Variants in BHLHA15 observed in about 807,000 individuals in gnomAD.
BHLHA15 encodes the protein class A basic helix-loop-helix protein 15.
In BHLHA15, 7 loss-of-function variants were observed where a neutral mutation model predicts 10.4. The observed-to-expected ratio is 0.67, with a 90% confidence interval of 0.38 to 1.26. The LOEUF is 1.26. BHLHA15 is among the 50% of genes most tolerant of loss of function. BHLHA15 has a pLI of 0.02. For synonymous variants in BHLHA15, 140 were observed against 131.5 expected (o/e 1.06, Z -0.44); for missense variants, 289 against 287.4 (o/e 1.01, Z -0.04).
At position 98,212,630 on chromosome 7, in the gene BHLHA15, G is replaced by C; in HGVS notation, c.321G>C (p.Ala107=). Residue 107 remains alanine (A), a synonymous_variant, in exon 2 of 2, where the codon GCG becomes GCC. Transcript: ENST00000609256. ...ALREVIPHVR[A]DKKLSKIETL... is the part of the protein sequence containing the mutation. The stretch of plus-strand genomic sequence containing the variant: ...GTGAAGTCATCCCCCACGTGCGCGC[G>C]GACAAGAAGCTCTCCAAGATCGAGA... The C allele has an allele frequency of 6.2e-7, 1 of 1,605,362 alleles. No individual in the cohort carries two copies. Among genetic ancestry groups the C allele is most frequent in the Non-Finnish European group, 8.5e-7 (1 of 1,177,034 alleles).
Position 98,212,443 on chromosome 7 carries a change from C to A in BHLHA15, c.134C>A (p.Pro45Gln). 1.3e-6 allele frequency: 2 copies of A among 1,521,946 alleles called. No individual in the cohort carries two copies. Among genetic ancestry groups the A allele is most frequent in the Non-Finnish European group, 1.8e-6 (2 of 1,135,488 alleles). The allele number at this position is 1,521,946 out of a possible 1,614,324, so 94.3% of individuals were successfully genotyped here. ...PEPAKGLRSR[P>Q]ARAAARAPGE... ...CCGGCCAAGGGTCTGCGGAGCCGGC[C>A]GGCCCGGGCCGCAGCAAGGGCTCCG... is the stretch of plus-strand genomic sequence containing the variant. Residue 45 changes from proline (P) to glutamine (Q), a missense_variant, in exon 2 of 2, where the codon CCG (proline) becomes CAG (glutamine). Coordinates refer to ENST00000609256, the MANE Select transcript of BHLHA15 (RefSeq NM_177455.4).
chr7:98,212,298 C>T lies in BHLHA15; in HGVS notation c.-12C>T. ...TCCTGCCGCCACCTCCTAGGACAGC[C>T]AGTCCAGGGCCATGAAGACCAAGAA... On this transcript the variant is annotated 5_prime_UTR_variant, in exon 2 of 2. Coordinates refer to ENST00000609256, the MANE Select transcript of BHLHA15 (RefSeq NM_177455.4). 7.5e-7 allele frequency: 1 copy of T among 1,341,274 alleles called. No individual in the cohort carries two copies. Among genetic ancestry groups the T allele is most frequent in the Non-Finnish European group, 9.6e-7 (1 of 1,043,658 alleles). The allele number at this position is 1,341,274 out of a possible 1,614,324, so 83.1% of individuals were successfully genotyped here.
At position 98,213,006 on chromosome 7, in the gene BHLHA15, C is replaced by G; in HGVS notation, c.*127C>G. 11 of 887,764 alleles carry G rather than the reference C, an allele frequency of 1.2e-5. No individual in the cohort carries two copies. Among genetic ancestry groups the G allele is most frequent in the Non-Finnish European group, 1.8e-5 (11 of 614,030 alleles). The allele number at this position is 887,764 out of a possible 1,614,324, so 55.0% of individuals were successfully genotyped here. A position where few individuals can be genotyped will look rare whatever the true frequency, so the allele number is the denominator to read the frequency against. On this transcript the variant is annotated 3_prime_UTR_variant, in exon 2 of 2. Transcript: ENST00000609256. ...CCACAAGGACACGGCCTCAGCGGTTCCATTTTCCCCCGAACATTCAGCCAC... is the reference window on the plus strand; with the variant it reads ...CCACAAGGACACGGCCTCAGCGGTTGCATTTTCCCCCGAACATTCAGCCAC...
chr7:98,212,256 C>T lies in BHLHA15; in HGVS notation c.-54C>T. 1 of 1,307,112 alleles carries T rather than the reference C, an allele frequency of 7.7e-7. No individual in the cohort carries two copies. The highest frequency in any genetic ancestry group is 1.6e-5 in the African/African-American group (1 of 64,498). 81.0% of individuals were successfully genotyped at this position (1,307,112 alleles called of 1,614,324 possible). A position where few individuals can be genotyped will look rare whatever the true frequency, so the allele number is the denominator to read the frequency against. On this transcript the variant is annotated splice_region_variant and 5_prime_UTR_variant, in exon 2 of 2. Transcript: ENST00000609256. ...GAGTGTCCTGTGTTCTGGATTTCAGCTCCAAGGGCCTCACCTTCCTGCCGC... is the reference window on the plus strand; with the variant it reads ...GAGTGTCCTGTGTTCTGGATTTCAGTTCCAAGGGCCTCACCTTCCTGCCGC...
rs73151166 is a variant in BHLHA15 at position 98,214,565 on chromosome 7, C to G, written c.*1686C>G. ...AGCGGGGACATGAGATGACAGAGAC[C>G]TCCCCGGCGGGGGTACTCAGGTGCT... On this transcript the variant is annotated 3_prime_UTR_variant, in exon 2 of 2. Coordinates refer to ENST00000609256, the MANE Select transcript of BHLHA15 (RefSeq NM_177455.4). The G allele has an allele frequency of 0.1, 15,264 of 150,688 alleles. 1,035 individuals are homozygous for G. Among genetic ancestry groups the G allele is most frequent in the Non-Finnish European group, 0.14 (9,721 of 67,976 alleles). The allele number at this position is 150,688 out of a possible 1,614,324, so 9.3% of individuals were successfully genotyped here.
In BHLHA15 at chr7:98,213,026, A is replaced by T; in HGVS notation, c.*147A>T. 1.3e-6 allele frequency: 1 copy of T among 784,668 alleles called. No individual in the cohort carries two copies. The highest frequency in any genetic ancestry group is 1.9e-6 in the Non-Finnish European group (1 of 524,876). The allele number at this position is 784,668 out of a possible 1,614,324, so 48.6% of individuals were successfully genotyped here. A position where few individuals can be genotyped will look rare whatever the true frequency, so the allele number is the denominator to read the frequency against. On this transcript the variant is annotated 3_prime_UTR_variant, in exon 2 of 2. Coordinates refer to ENST00000609256, the MANE Select transcript of BHLHA15 (RefSeq NM_177455.4). ...CGGTTCCATTTTCCCCCGAACATTC[A>T]GCCACTTCCCTGGAGCAATTTTTCC...
rs1485129482 is a variant in BHLHA15 at position 98,212,275 on chromosome 7, C to T, written c.-35C>T. 1.8e-5 allele frequency: 24 copies of T among 1,320,968 alleles called. No homozygotes were observed. Among genetic ancestry groups the T allele is most frequent in the Admixed American group, 8.3e-5 (2 of 24,038 alleles). 81.8% of individuals were successfully genotyped at this position (1,320,968 alleles called of 1,614,324 possible). A position where few individuals can be genotyped will look rare whatever the true frequency, so the allele number is the denominator to read the frequency against. On this transcript the variant is annotated 5_prime_UTR_variant, in exon 2 of 2. Coordinates refer to ENST00000609256, the MANE Select transcript of BHLHA15 (RefSeq NM_177455.4). ...TTTCAGCTCCAAGGGCCTCACCTTC[C>T]TGCCGCCACCTCCTAGGACAGCCAG...
rs1486209404 is a variant in BHLHA15, at chr7:98,213,386, A to G, written c.*507A>G. ...AACTGAGGCCCGGGACAAGCCCGGC[A>G]GAGCCTAAGGCTGCTCGGGGAGTGG... On this transcript the variant is annotated 3_prime_UTR_variant, in exon 2 of 2. Coordinates refer to ENST00000609256, the MANE Select transcript of BHLHA15 (RefSeq NM_177455.4). 6.6e-6 allele frequency among the ~76,000 whole-genome samples: 1 copy of G among 152,232 alleles called. No homozygotes were observed. Among genetic ancestry groups the G allele is most frequent in the Non-Finnish European group, 1.5e-5 (1 of 68,040 alleles).
rs1228150201 is a variant in BHLHA15 at position 98,212,881 on chromosome 7, G to A, written c.*2G>A. The A allele has an allele frequency of 1.4e-5, 21 of 1,528,438 alleles. No homozygotes were observed. Among genetic ancestry groups the A allele is most frequent in the Admixed American group, 4.7e-5 (2 of 42,134 alleles). The allele number at this position is 1,528,438 out of a possible 1,614,324, so 94.7% of individuals were successfully genotyped here. On this transcript the variant is annotated 3_prime_UTR_variant, in exon 2 of 2. Coordinates refer to ENST00000609256, the MANE Select transcript of BHLHA15 (RefSeq NM_177455.4). The stretch of plus-strand genomic sequence containing the variant: ...CACAGCTTCCGAGAGGGCACCTAGC[G>A]CCCAGTCCTGGGTGGGGGTGGCGGT...
rs1212323678 is a variant in BHLHA15, at chr7:98,213,962, G to C, written c.*1083G>C. On this transcript the variant is annotated 3_prime_UTR_variant, in exon 2 of 2. Coordinates refer to ENST00000609256, the MANE Select transcript of BHLHA15 (RefSeq NM_177455.4). ...TCCTCATGGCCAGGCCTGGTGGCTT[G>C]GCACGTCTCTGCTGCCCCAAGCCCA... 6.6e-6 allele frequency among the ~76,000 whole-genome samples: 1 copy of C among 152,094 alleles called. No homozygotes were observed. Among genetic ancestry groups the C allele is most frequent in the African/African-American group, 2.4e-5 (1 of 41,434 alleles).
At position 98,213,778 on chromosome 7, in the gene BHLHA15, T is replaced by C. The variant is rs1374774338; in HGVS notation, c.*899T>C. On this transcript the variant is annotated 3_prime_UTR_variant, in exon 2 of 2. Coordinates refer to ENST00000609256, the MANE Select transcript of BHLHA15 (RefSeq NM_177455.4). ...CAGCCCCTGCCACCGCCGTTACTTATTCTCACTGATGTGGGGTTATCATAT... is the reference window on the plus strand; with the variant it reads ...CAGCCCCTGCCACCGCCGTTACTTACTCTCACTGATGTGGGGTTATCATAT... 6.6e-6 allele frequency among the ~76,000 whole-genome samples: 1 copy of C among 152,202 alleles called. No homozygotes were observed. Among genetic ancestry groups the C allele is most frequent in the Non-Finnish European group, 1.5e-5 (1 of 68,028 alleles).
Position 98,212,844 on chromosome 7 carries a change from T to A in BHLHA15, c.535T>A (p.Ser179Thr). 1 of 1,547,686 alleles carries A rather than the reference T, an allele frequency of 6.5e-7. No individual in the cohort carries two copies. The highest frequency in any genetic ancestry group is 1.2e-5 in the South Asian group (1 of 82,472). The stretch of plus-strand genomic sequence containing the variant: ...GCCCCAGGGCCACCTGCAGAGGTAC[T>A]CCACGCAGATCCACAGCTTCCGAGA... ...AQPQGHLQRYSTQIHSFREGT is the reference protein window; with the variant it reads ...AQPQGHLQRYTTQIHSFREGT The change falls in exon 2 of 2, where the codon TCC (serine) becomes ACC (threonine). Residue 179 changes from serine (S) to threonine (T), a missense_variant. Coordinates refer to ENST00000609256, the MANE Select transcript of BHLHA15 (RefSeq NM_177455.4).
rs762043830 is a variant in BHLHA15 at position 98,212,439 on chromosome 7, C to T, written c.130C>T (p.Arg44Trp). 5.9e-6 allele frequency: 9 copies of T among 1,519,306 alleles called. No homozygotes were observed. The East Asian group carries it at 7.7e-5, about 13-fold the overall frequency. 94.1% of individuals were successfully genotyped at this position (1,519,306 alleles called of 1,614,324 possible). ...GPEPAKGLRSRPARAAARAPG... is the reference protein window; with the variant it reads ...GPEPAKGLRSWPARAAARAPG... ...AGAGCCGGCCAAGGGTCTGCGGAGC[C>T]GGCCGGCCCGGGCCGCAGCAAGGGC... The change falls in exon 2 of 2, where the codon CGG becomes TGG. Residue 44 changes from arginine (R) to tryptophan (W), a missense_variant. Arg to Trp is a moderately radical substitution (Grantham distance 101). Coordinates refer to ENST00000609256, the MANE Select transcript of BHLHA15 (RefSeq NM_177455.4).
Position 98,214,152 on chromosome 7 carries a change from G to A in BHLHA15, c.*1273G>A, listed in dbSNP as rs1034018047. Among the ~76,000 whole-genome samples, 8 of 152,328 alleles carry A rather than the reference G, an allele frequency of 5.3e-5. No homozygotes were observed. In the East Asian group the frequency reaches 9.7e-4, roughly 18 times the overall value. ...TGAGACCAAGGGCTCTGGCTGGCCC[G>A]TCCCCACCAGGTGGCCCTGCCCTCC... is the stretch of plus-strand genomic sequence containing the variant. On this transcript the variant is annotated 3_prime_UTR_variant, in exon 2 of 2. Coordinates refer to ENST00000609256, the MANE Select transcript of BHLHA15 (RefSeq NM_177455.4).
Position 98,212,318 on chromosome 7 carries a change from C to A in BHLHA15, c.9C>A (p.Thr3=). The change falls in exon 2 of 2, where the codon ACC becomes ACA. Residue 3 remains threonine (T), a synonymous_variant. Coordinates refer to ENST00000609256, the MANE Select transcript of BHLHA15 (RefSeq NM_177455.4). MK[T]KNRPPRRRAP... is the part of the protein sequence containing the mutation. ...ACAGCCAGTCCAGGGCCATGAAGAC[C>A]AAGAACCGGCCCCCACGGCGCCGGG... 1 of 1,366,262 alleles carries A rather than the reference C, an allele frequency of 7.3e-7. No individual in the cohort carries two copies. The highest frequency in any genetic ancestry group is 1.9e-5 in the South Asian group (1 of 52,306). 84.6% of individuals were successfully genotyped at this position (1,366,262 alleles called of 1,614,324 possible).
At position 98,213,147 on chromosome 7, in the gene BHLHA15, G is replaced by C. The variant is rs1050631788; in HGVS notation, c.*268G>C. 6.6e-6 allele frequency among the ~76,000 whole-genome samples: 1 copy of C among 152,226 alleles called. No individual in the cohort carries two copies. The highest frequency in any genetic ancestry group is 6.5e-5 in the Admixed American group (1 of 15,292). ...TCTAGGTAGGGCCCAGTTGGATCCT[G>C]ATTTTTCATTGAGCCAGGCAGTCTC... is the stretch of plus-strand genomic sequence containing the variant. On this transcript the variant is annotated 3_prime_UTR_variant, in exon 2 of 2. Coordinates refer to ENST00000609256, the MANE Select transcript of BHLHA15 (RefSeq NM_177455.4).
In BHLHA15 at chr7:98,213,406, G is replaced by C. The variant is rs1033536355; in HGVS notation, c.*527G>C. The stretch of plus-strand genomic sequence containing the variant: ...CCGGCAGAGCCTAAGGCTGCTCGGG[G>C]AGTGGGGCCAATCAGAGATGATTGG... On this transcript the variant is annotated 3_prime_UTR_variant, in exon 2 of 2. Coordinates refer to ENST00000609256, the MANE Select transcript of BHLHA15 (RefSeq NM_177455.4). Among the ~76,000 whole-genome samples the C allele has an allele frequency of 6.6e-6, 1 of 152,238 alleles. No homozygotes were observed. The highest frequency in any genetic ancestry group is 2.4e-5 in the African/African-American group (1 of 41,460).
chr7:98,212,497 C>A lies in BHLHA15; in HGVS notation c.188C>A (p.Pro63His). Residue 63 changes from proline (P) to histidine (H), a missense_variant, in exon 2 of 2, where the codon CCC becomes CAC. By Grantham distance (77) the Pro-to-His change is moderately conservative. Coordinates refer to ENST00000609256, the MANE Select transcript of BHLHA15 (RefSeq NM_177455.4). The part of the protein sequence containing the change: ...PGEGRRRRPG[P>H]SGPGGRRDSS... ...GAGGGCAGGCGCAGGCGGCCAGGAC[C>A]CTCCGGGCCCGGTGGCCGTCGTGAC... is the stretch of plus-strand genomic sequence containing the variant. 1 of 1,566,286 alleles carries A rather than the reference C, an allele frequency of 6.4e-7. No homozygotes were observed. Among genetic ancestry groups the A allele is most frequent in the Non-Finnish European group, 8.6e-7 (1 of 1,158,026 alleles).
Position 98,212,568 on chromosome 7 carries a change from C to A in BHLHA15, c.259C>A (p.Arg87=). ...RLESNERERQ[R]MHKLNNAFQA... The stretch of plus-strand genomic sequence containing the variant: ...GGAGAGCAACGAGAGGGAGCGGCAG[C>A]GGATGCACAAGCTAAATAACGCCTT... The change falls in exon 2 of 2, where the codon CGG becomes AGG. Residue 87 remains arginine (R), a synonymous_variant. Coordinates refer to ENST00000609256, the MANE Select transcript of BHLHA15 (RefSeq NM_177455.4). 6.2e-7 allele frequency: 1 copy of A among 1,602,662 alleles called. No homozygotes were observed. The highest frequency in any genetic ancestry group is 8.5e-7 in the Non-Finnish European group (1 of 1,176,650).
Sources: gnomAD v4.1 joint callset for allele counts (sites outside exome capture counted in the v4.1 genomes callset) on GRCh38, gnomAD v4.1.1 for gene constraint, MANE v1.5 for transcripts, NCBI Gene and HGNC (gene_info 2026-07-23, HGNC 2026-07-21) for gene names.